SLC3A1: variants seen among roughly 807,000 people sequenced by gnomAD.
SLC3A1 encodes the protein solute carrier family 3 member 1.
A neutral mutation model predicts 60.3 loss-of-function variants in SLC3A1; 78 were observed. The ratio of observed to expected loss-of-function variants is 1.29; its 90% confidence interval spans 1.08 to 1.56. The LOEUF (loss-of-function observed/expected upper bound fraction) is 1.56. Ranked by LOEUF, SLC3A1 falls within the 40% of genes most tolerant of loss-of-function variation. The probability of loss-of-function intolerance (pLI) is 0.00; values close to 1 mark genes in which losing one functional copy is unlikely to be tolerated. For missense variants in SLC3A1, 1,172 were observed against 858.9 expected (o/e 1.36, Z -4.56); for synonymous variants, 392 against 307.9 (o/e 1.27, Z -2.86).
chr2:44,275,861 C>G lies in SLC3A1; in HGVS notation c.326C>G (p.Ala109Gly). 3 of 1,614,214 alleles carry G rather than the reference C, an allele frequency of 1.9e-6. No homozygotes were observed. The South Asian group carries it at 3.3e-5, about 18-fold the overall frequency. Residue 109 changes from alanine to glycine, a missense_variant, in exon 1 of 10, where the codon GCC becomes GGC. Ala to Gly is a moderately conservative substitution (Grantham distance 60, BLOSUM62 0). Coordinates refer to ENST00000260649, the MANE Select transcript of SLC3A1 (RefSeq NM_000341.4). ...ATCGCGGCCACCATAGCCATCATTGCCCTCTCTCCAAAGTGCCTAGACTGG... is the reference window on the plus strand; with the variant it reads ...ATCGCGGCCACCATAGCCATCATTGGCCTCTCTCCAAAGTGCCTAGACTGG... ...VLIAATIAII[A>G]LSPKCLDWWQ... is the part of the protein sequence containing the mutation.
chr2:44,291,095 C>A (rs935463670), intron 4 of SLC3A1, among the ~76,000 whole-genome samples: 1 of 152,166 alleles, frequency 6.6e-6, no homozygotes, highest in African/African-American at 2.4e-5. Flanking sequence ...GACTGAAATC[C>A]AGACACTCGG....
chr2:44,308,062 A>C (rs1170174555), intron 7 of SLC3A1, among the ~76,000 whole-genome samples: 1 of 152,178 alleles, frequency 6.6e-6, no homozygotes, highest in African/African-American at 2.4e-5. Context: ...TGAGCCCAGG[A>C]GTTCAAGTTT....
intron 1 of SLC3A1, among the ~76,000 whole-genome samples, chr2:44,280,197 T>C (rs1022946912): frequency 1.3e-5 from 2 of 152,166 alleles, no homozygotes; most frequent in South Asian, 4.1e-4. Flanking sequence ...TTTAATGCTA[T>C]GTTAAATGTC....
intron 1 of SLC3A1, among the ~76,000 whole-genome samples, chr2:44,279,838 C>T (rs924814569): frequency 6.6e-6 from 1 of 152,128 alleles, no homozygotes; most frequent in Non-Finnish European, 1.5e-5. Context: ...GCTGGGATTA[C>T]AGGCACGTGC....
In SLC3A1 at chr2:44,320,445, T is replaced by A. The variant is rs1044014948; in HGVS notation, c.1864T>A (p.Leu622Ile). 1.9e-6 allele frequency: 3 copies of A among 1,614,014 alleles called. No individual in the cohort carries two copies. The highest frequency in any genetic ancestry group is 2.7e-5 in the African/African-American group (2 of 74,930). The change falls in exon 10 of 10, where the codon TTA (leucine) becomes ATA (isoleucine). Residue 622 changes from leucine (L) to isoleucine (I), a missense_variant. Transcript: ENST00000260649. ...CCTTCCCGCTAAAATGAGAATAAGG[T>A]TAAGTACCAATTCTGCCGACAAAGG... ...SGLPAKMRIR[L>I]STNSADKGSK...
chr2:44,312,784 C>G, intron 8 of SLC3A1, 31 bp downstream of exon 8: 1 of 1,571,466 alleles, frequency 6.4e-7, no homozygotes, highest in Non-Finnish European at 8.7e-7. Context: ...CTATTCATCA[C>G]AGCTATAAAA....
intron 2 of SLC3A1, 68 bp downstream of exon 2, chr2:44,280,963 T>C (rs1671483627): frequency 7.4e-7 from 1 of 1,351,196 alleles, no homozygotes; most frequent in Admixed American, 1.7e-5. Flanking sequence ...AAATGTTTAC[T>C]TAAAGCATTT....
chr2:44,278,449 AAAATAAATAAAT>A (rs542664708), intron 1 of SLC3A1, among the ~76,000 whole-genome samples: 305 of 151,576 alleles, frequency 2.0e-3, no homozygotes, highest in Non-Finnish European at 2.7e-3. Flanking sequence ...CTCCATCTCA[AAAATAAATAAAT>A]AAATAAATAA....
In SLC3A1 at chr2:44,281,466, A is replaced by T; in HGVS notation, c.690A>T (p.Thr230=). 6.2e-7 allele frequency: 1 copy of T among 1,613,886 alleles called. No individual in the cohort carries two copies. The highest frequency in any genetic ancestry group is 8.5e-7 in the Non-Finnish European group (1 of 1,179,714). ...HIWFQLSRTR[T]GKYTDYYIWH... Reference sequence around the variant, plus strand: ...GGTTTCAATTGAGTCGGACACGGACAGGAAAATATACTGATTATTATATCT... The same window carrying T: ...GGTTTCAATTGAGTCGGACACGGACTGGAAAATATACTGATTATTATATCT... The change falls in exon 3 of 10, where the codon ACA becomes ACT. Residue 230 remains threonine, a synonymous_variant. Transcript: ENST00000260649.
In SLC3A1 at chr2:44,321,006, A is replaced by G. The variant is rs1451563876; in HGVS notation, c.*367A>G. ...ACTCACTGCCACAGTGTCTAAAAGC[A>G]TTTGCTAGCAAAGAGGCAGGACACT... On this transcript the variant is annotated 3_prime_UTR_variant, in exon 10 of 10. Coordinates refer to ENST00000260649, the MANE Select transcript of SLC3A1 (RefSeq NM_000341.4). The G allele has an allele frequency of 7.8e-6, 3 of 383,058 alleles. No individual in the cohort carries two copies. The highest frequency in any genetic ancestry group is 1.4e-5 in the Non-Finnish European group (3 of 208,566). The allele number at this position is 383,058 out of a possible 1,614,324, so 23.7% of individuals were successfully genotyped here.
chr2:44,311,332 T>C (rs1358882832), intron 7 of SLC3A1, among the ~76,000 whole-genome samples: 1 of 152,222 alleles, frequency 6.6e-6, no homozygotes, highest in African/African-American at 2.4e-5. Flanking sequence ...ATCAAAATAT[T>C]AGCTGGTTTA....
At chr2:44,292,136 C>T (rs974007169) in intron 4 of SLC3A1, among the ~76,000 whole-genome samples, 5 of 152,086 alleles carry the variant, frequency 3.3e-5, no homozygotes, top group African/African-American at 1.2e-4. Flanking sequence ...GAAGAGACTC[C>T]AGATGGCCTG....
In SLC3A1 at chr2:44,320,279, CAG is replaced by C. The variant is rs777575410; in HGVS notation, c.1699_1700del (p.Arg567GlyfsTer9). The C allele has an allele frequency of 2.4e-5, 39 of 1,614,056 alleles. No homozygotes were observed. Among genetic ancestry groups the C allele is most frequent in the Non-Finnish European group, 3.1e-5 (36 of 1,179,912 alleles). On this transcript the variant is annotated frameshift_variant, in exon 10 of 10. Transcript: ENST00000260649. LOFTEE classifies it low-confidence loss of function (END_TRUNC). ...LLHANELLLN[R>X]GWFCHLRNDS... ...TTCATGCCAATGAGCTACTCCTCAA[CAG>C]GGGCTGGTTTTGCCATTTGAGGAAT...
rs372528227 is a variant in SLC3A1, at chr2:44,299,981, G to A, written c.902G>A (p.Arg301Gln). 2.9e-5 allele frequency: 47 copies of A among 1,613,946 alleles called. No homozygotes were observed. The Admixed American group carries it at 3.8e-4, about 13-fold the overall frequency. ...DVQEEIKEIL[R>Q]FWLTKGVDGF... ...CTTCTTCATCTTTAGGAAATTTTACGGTTCTGGCTCACAAAGGGTGTTGAT... is the reference window on the plus strand; with the variant it reads ...CTTCTTCATCTTTAGGAAATTTTACAGTTCTGGCTCACAAAGGGTGTTGAT... The change falls in exon 5 of 10, where the codon CGG becomes CAG. Residue 301 changes from arginine to glutamine, a missense_variant. Physicochemically the swap from Arg to Gln is conservative, Grantham distance 43 (BLOSUM62 1). Coordinates refer to ENST00000260649, the MANE Select transcript of SLC3A1 (RefSeq NM_000341.4).
At chr2:44,278,875 C>A (rs140909553) in intron 1 of SLC3A1, among the ~76,000 whole-genome samples, 1 of 152,278 alleles carries the variant, frequency 6.6e-6, no homozygotes, top group African/African-American at 2.4e-5. Context: ...GAAACAAAGA[C>A]TCCTCAAATA....
chr2:44,309,455 C>G (rs1672239598), intron 7 of SLC3A1, among the ~76,000 whole-genome samples: 1 of 152,184 alleles, frequency 6.6e-6, no homozygotes, highest in Admixed American at 6.5e-5. Context: ...ATCTATTCAT[C>G]TGTTGGTGAC....
chr2:44,301,213 T>C, intron 6 of SLC3A1, 86 bp downstream of exon 6: 1 of 1,537,092 alleles, frequency 6.5e-7, no homozygotes, highest in Non-Finnish European at 9.0e-7. Flanking sequence ...TATTTGGAGG[T>C]TCAAGTAATA....
At chr2:44,317,419 G>T (rs1672513762) in intron 9 of SLC3A1, among the ~76,000 whole-genome samples, 1 of 149,660 alleles carries the variant, frequency 6.7e-6, no homozygotes, top group African/African-American at 2.5e-5. Context: ...CCATGATCAT[G>T]CCACTGCACT....
chr2:44,308,668 T>A (rs549734182), intron 7 of SLC3A1, among the ~76,000 whole-genome samples: 4 of 152,220 alleles, frequency 2.6e-5, no homozygotes, highest in Non-Finnish European at 5.9e-5. Flanking sequence ...ATATTGATCT[T>A]GTATCCTAAA....
Sources: gnomAD v4.1 joint callset for allele counts (sites outside exome capture counted in the v4.1 genomes callset) on GRCh38, gnomAD v4.1.1 for gene constraint, MANE v1.5 for transcripts, NCBI Gene and HGNC (gene_info 2026-07-23, HGNC 2026-07-21) for gene names.